The following ZBTB49 variants were observed in gnomAD, a reference collection of about 807,000 sequenced individuals.
The protein encoded by ZBTB49 is zinc finger and BTB domain-containing protein 49.
A neutral mutation model predicts 57.5 loss-of-function variants in ZBTB49; 43 were observed. The ratio of observed to expected loss-of-function variants is 0.75; its 90% CI spans 0.59 to 0.97. The LOEUF (loss-of-function observed/expected upper bound fraction) is 0.97. Among genes scored for constraint, ZBTB49 ranks in the 50% least tolerant of loss-of-function variants. ZBTB49 has a pLI of 0.00. For synonymous variants in ZBTB49, 369 were observed against 362.1 expected (o/e 1.02, Z -0.22); for missense variants, 938 against 947.7 (o/e 0.99, Z 0.13).
At chr4:4,316,025 T>TC (rs1721182531) in intron 7 of ZBTB49, 55 bp downstream of exon 7, 1 of 1,597,304 alleles carries the variant, frequency 6.3e-7, no homozygotes, top group Admixed American at 1.7e-5. Flanking sequence ...AAGGGCTTTG[T>TC]CCCCCAGCCC....
At chr4:4,316,971 G>A (rs998283981) in intron 7 of ZBTB49, among the ~76,000 whole-genome samples, 4 of 152,214 alleles carry the variant, frequency 2.6e-5, no homozygotes, top group Admixed American at 2.0e-4. Flanking sequence ...CCAGGAGGCC[G>A]AGGCTGCAGT....
intron 7 of ZBTB49, among the ~76,000 whole-genome samples, chr4:4,316,905 G>A (rs1721215409): frequency 6.6e-6 from 1 of 152,226 alleles, no homozygotes; most frequent in East Asian, 1.9e-4. Context: ...TACTGTGGTG[G>A]CGTTCGCCTG....
chr4:4,313,638 G>A (rs1029458907), intron 5 of ZBTB49, among the ~76,000 whole-genome samples: 1 of 152,312 alleles, frequency 6.6e-6, no homozygotes, highest in African/African-American at 2.4e-5. Context: ...GACTCTTGAC[G>A]TGGAATAAAG....
intron 3 of ZBTB49, among the ~76,000 whole-genome samples, chr4:4,305,694 G>A (rs1404918256): frequency 1.3e-5 from 2 of 152,168 alleles, no homozygotes; most frequent in African/African-American, 2.4e-5. Context: ...GCTTCAGGAC[G>A]ACCCACTGTG....
intron 3 of ZBTB49, among the ~76,000 whole-genome samples, chr4:4,305,089 C>T (rs1343230351): frequency 6.6e-6 from 1 of 151,968 alleles, no homozygotes; most frequent in Non-Finnish European, 1.5e-5. Flanking sequence ...TATTATCTGT[C>T]ACCCCCAATA....
At position 4,321,201 on chromosome 4, in the gene ZBTB49, G is replaced by A. The variant is rs1026312374; in HGVS notation, c.2183G>A (p.Gly728Asp). The part of the protein sequence containing the change: ...ALDNHGGDPL[G>D]SRASSTTYRN... ...GACAACCACGGCGGTGACCCCCTGG[G>A]CAGTCGAGCATCTTCCACCACTTAT... Residue 728 changes from glycine to aspartate, a missense_variant, in exon 8 of 8, where the codon GGC (glycine) becomes GAC (aspartate). This residue lies in a region of ZBTB49 where 835 missense variants were observed against 819.1 expected (regional missense o/e 1.02). Transcript: ENST00000337872. 4.3e-6 allele frequency: 7 copies of A among 1,614,072 alleles called. No homozygotes were observed. Among genetic ancestry groups the A allele is most frequent in the Non-Finnish European group, 5.9e-6 (7 of 1,180,032 alleles).
rs747970237 is a variant in ZBTB49 at position 4,313,068 on chromosome 4, C to T, written c.1330C>T (p.Arg444Trp). Reference sequence around the variant, plus strand: ...AGGTAACTTGCAGACTCACTTACGACGGCATTCTGGTGAAAAACCATACAT... The same window carrying T: ...AGGTAACTTGCAGACTCACTTACGATGGCATTCTGGTGAAAAACCATACAT... ...QAGNLQTHLR[R>W]HSGEKPYICE... Residue 444 changes from arginine to tryptophan, a missense_variant, in exon 5 of 8, where the codon CGG becomes TGG. Transcript: ENST00000337872. 9.9e-6 allele frequency: 16 copies of T among 1,614,044 alleles called. No individual in the cohort carries two copies. The highest frequency in any genetic ancestry group is 1.6e-4 in the Middle Eastern group (1 of 6,084).
Position 4,320,957 on chromosome 4 carries a change from C to G in ZBTB49, c.1939C>G (p.His647Asp). ...VENSVAEFDS[H>D]SGGSYCKLRS... ...AAATTCTGTGGCAGAATTTGATAGC[C>G]ACTCTGGCGGCTCCTATTGTAAGTT... Residue 647 changes from histidine to aspartate, a missense_variant, in exon 8 of 8, where the codon CAC becomes GAC. Physicochemically the swap from His to Asp is moderately conservative, Grantham distance 81. Coordinates refer to ENST00000337872, the MANE Select transcript of ZBTB49 (RefSeq NM_145291.4). The G allele has an allele frequency of 6.2e-7, 1 of 1,614,232 alleles. No individual in the cohort carries two copies. Among genetic ancestry groups the G allele is most frequent in the East Asian group, 2.2e-5 (1 of 44,882 alleles).
intron 1 of ZBTB49, among the ~76,000 whole-genome samples, chr4:4,293,242 G>C (rs1451172408): frequency 6.6e-6 from 1 of 151,844 alleles, no homozygotes; most frequent in African/African-American, 2.4e-5. Context: ...TTTACTGCTT[G>C]TCACTAGGTG....
intron 1 of ZBTB49, among the ~76,000 whole-genome samples, chr4:4,292,207 G>A (rs1163682085): frequency 6.6e-6 from 1 of 152,190 alleles, no homozygotes; most frequent in African/African-American, 2.4e-5. Context: ...CTTGAACCCA[G>A]GAGGTGGAGG....
At chr4:4,317,332 G>C (rs1233926306) in intron 7 of ZBTB49, among the ~76,000 whole-genome samples, 1 of 152,160 alleles carries the variant, frequency 6.6e-6, no homozygotes, top group Non-Finnish European at 1.5e-5. Flanking sequence ...TAACAGCTTT[G>C]AGACAATATT....
Position 4,321,542 on chromosome 4 carries a change from A to G in ZBTB49, c.*226A>G. The G allele has an allele frequency of 3.5e-6, 2 of 570,900 alleles. No individual in the cohort carries two copies. Among genetic ancestry groups the G allele is most frequent in the Non-Finnish European group, 6.1e-6 (2 of 325,500 alleles). The allele number at this position is 570,900 out of a possible 1,614,324, so 35.4% of individuals were successfully genotyped here. On this transcript the variant is annotated 3_prime_UTR_variant, in exon 8 of 8. Transcript: ENST00000337872. ...AGCCGCGGGAGGGAGCGCTGACGTC[A>G]CAGAAGCGAAGGCTTGATGCTGTCT...
At chr4:4,305,162 T>TA (rs148246412) in intron 3 of ZBTB49, among the ~76,000 whole-genome samples, 10 of 149,892 alleles carry the variant, frequency 6.7e-5, no homozygotes, top group Admixed American at 1.3e-4. Flanking sequence ...ATTAATTTAT[T>TA]ATTAATATAA....
Position 4,315,831 on chromosome 4 carries a change from G to T in ZBTB49, c.1482G>T (p.Leu494Phe). The T allele has an allele frequency of 6.2e-7, 1 of 1,614,216 alleles. No individual in the cohort carries two copies. Among genetic ancestry groups the T allele is most frequent in the Non-Finnish European group, 8.5e-7 (1 of 1,180,042 alleles). ...TAGGGTTTAGTAACTTCAGTAATTT[G>T]AAGGAGCACAAAAAGACACACACGG... is the stretch of plus-strand genomic sequence containing the variant. ...CGRGFSNFSN[L>F]KEHKKTHTAD... The change falls in exon 7 of 8, where the codon TTG (leucine) becomes TTT (phenylalanine). Residue 494 changes from leucine (L) to phenylalanine (F), a missense_variant. Physicochemically the swap from Leu to Phe is conservative, Grantham distance 22 (BLOSUM62 0). Transcript: ENST00000337872.
chr4:4,295,425 C>T (rs1271143477), intron 1 of ZBTB49, among the ~76,000 whole-genome samples: 1 of 152,194 alleles, frequency 6.6e-6, no homozygotes, highest in African/African-American at 2.4e-5. Context: ...CAACAGGTCC[C>T]TCCCCTGACA....
rs148456390 is a variant in ZBTB49 at position 4,303,726 on chromosome 4, T to TTCTCTCTC, written c.1255+663_1255+670dup. Among the ~76,000 whole-genome samples the TTCTCTCTC allele has an allele frequency of 1.0e-3, 125 of 121,790 alleles. 2 individuals carry two copies. The highest frequency in any genetic ancestry group is 9.3e-3 in the Middle Eastern group (2 of 214). 79.9% of individuals were successfully genotyped at this position (121,790 alleles called of 152,430 possible). A position where few individuals can be genotyped will look rare whatever the true frequency, so the allele number is the denominator to read the frequency against. On this transcript the variant is annotated intron_variant, in intron 3 of 7. Coordinates refer to ENST00000337872, the MANE Select transcript of ZBTB49 (RefSeq NM_145291.4). ...TTTCCCAAAAGATTTTTTTAAGGTA[T>TTCTCTCTC]TCTCTCTCTCTCTCTCTCTCTCTCT...
intron 5 of ZBTB49, among the ~76,000 whole-genome samples, chr4:4,313,708 G>T (rs1281152201): frequency 6.6e-6 from 1 of 152,218 alleles, no homozygotes; most frequent in African/African-American, 2.4e-5. Flanking sequence ...CCCCTGCTGT[G>T]TGTGCAGGCT....
At chr4:4,299,020 A>G (rs976206659) in intron 1 of ZBTB49, among the ~76,000 whole-genome samples, 1 of 152,224 alleles carries the variant, frequency 6.6e-6, no homozygotes, top group Non-Finnish European at 1.5e-5. Context: ...GTTGGAGAAC[A>G]GAGGCTGAAG....
At chr4:4,312,675 A>T (rs1247461924) in intron 4 of ZBTB49, among the ~76,000 whole-genome samples, 3 of 152,204 alleles carry the variant, frequency 2.0e-5, no homozygotes, top group African/African-American at 2.4e-5. Context: ...TGATGTTTTA[A>T]ATACATGGCC....
Sources: gnomAD v4.1 joint callset for allele counts (sites outside exome capture counted in the v4.1 genomes callset) on GRCh38, gnomAD v4.1.1 for gene constraint, gnomAD v4.1.1 regional missense constraint, MANE v1.5 for transcripts, NCBI Gene and HGNC (gene_info 2026-07-23, HGNC 2026-07-21) for gene names.